The following PCDHGA7 variants were observed in gnomAD, a reference collection of about 807,000 sequenced individuals.
The protein encoded by PCDHGA7 is protocadherin gamma-A7.
PCDHGA7 carries 44 observed loss-of-function variants against 58.3 expected under a neutral mutation model. The observed-to-expected ratio is 0.75, with a 90% CI of 0.59 to 0.97. The LOEUF (loss-of-function observed/expected upper bound fraction) is 0.97, where lower values mean the gene tolerates loss of function less well. PCDHGA7 is among the 50% of genes least tolerant of loss of function. The pLI is 0.00. For synonymous variants in PCDHGA7, 516 were observed against 504.2 expected, an observed-to-expected ratio of 1.02 and a Z score of -0.31; for missense variants, 1,266 against 1,188.7, an observed-to-expected ratio of 1.06 and a Z score of -0.96.
chr5:141,409,258 C>G (rs2095247947), intron 1 of PCDHGA7: 2 of 1,613,918 alleles, frequency 1.2e-6, no homozygotes, highest in Non-Finnish European at 8.5e-7. Flanking sequence ...TCACTTCTCT[C>G]TCTGATCAGA....
chr5:141,432,823 C>A lies in PCDHGA7; in HGVS notation c.2424+47500C>A. 1 of 1,614,184 alleles carries A rather than the reference C, an allele frequency of 6.2e-7. No homozygotes were observed. Among genetic ancestry groups the A allele is most frequent in the Non-Finnish European group, 8.5e-7 (1 of 1,180,004 alleles). On this transcript the variant is annotated intron_variant, in intron 1 of 3. Transcript: ENST00000518325. The surrounding 1 kb of genome is among the most constrained non-coding windows in gnomAD (Gnocchi z 6.0). ...CTCCAGCTAACTCTGAAACCTCAGA[C>A]CTCACTCTGTACCTGGTGGTAGCGG...
chr5:141,399,727 G>A, intron 1 of PCDHGA7: 1 of 1,613,308 alleles, frequency 6.2e-7, no homozygotes, highest in Non-Finnish European at 8.5e-7. Context: ...CCGCGACCAG[G>A]GCTCGCCTGC....
intron 1 of PCDHGA7, chr5:141,478,523 G>T (rs2099461821): frequency 6.2e-7 from 1 of 1,609,908 alleles, no homozygotes; most frequent in Non-Finnish European, 8.5e-7. Context: ...GGTGTTGGGT[G>T]CAGAGAGCGC....
At chr5:141,415,477 C>T in intron 1 of PCDHGA7, 1 of 1,614,184 alleles carries the variant, frequency 6.2e-7, no homozygotes, top group Non-Finnish European at 8.5e-7. Flanking sequence ...CGCGGACTCG[C>T]GAAAGAGTCA....
chr5:141,413,793 C>G, intron 1 of PCDHGA7: 1 of 1,613,106 alleles, frequency 6.2e-7, no homozygotes, highest in South Asian at 1.1e-5. Context: ...CCCTAGATCG[C>G]GAGGAAGAGG....
chr5:141,493,656 T>C lies in PCDHGA7; in HGVS notation c.2425-1151T>C, dbSNP rs1481871984. Among the ~76,000 whole-genome samples, 1 of 152,184 alleles carries C rather than the reference T, an allele frequency of 6.6e-6. No homozygotes were observed. Among genetic ancestry groups the C allele is most frequent in the African/African-American group, 2.4e-5 (1 of 41,454 alleles). ...CTGAGGGCTGGCCATCCCTGTGCCC[T>C]TCTCCATGGCAGCCCCAGAATGGTG... On this transcript the variant is annotated intron_variant, in intron 1 of 3. Coordinates refer to ENST00000518325, the MANE Select transcript of PCDHGA7 (RefSeq NM_018920.4). The surrounding 1 kb of genome is among the most constrained non-coding windows in gnomAD (Gnocchi z 4.3).
chr5:141,506,834 C>T (rs2099856597), intron 3 of PCDHGA7, among the ~76,000 whole-genome samples: 1 of 152,140 alleles, frequency 6.6e-6, no homozygotes, highest in Non-Finnish European at 1.5e-5. Flanking sequence ...ACTGATAGCC[C>T]TGCCCTCCAG....
Position 141,485,943 on chromosome 5 carries a change from C to CG in PCDHGA7, c.2425-8861dup, listed in dbSNP as rs1562109052. ...ATTAGTGTGTTGGAGAGCGCACCAG[C>CG]GGGCATGGTGCTCATCCAGCTCAAT... On this transcript the variant is annotated intron_variant, in intron 1 of 3. Coordinates refer to ENST00000518325, the MANE Select transcript of PCDHGA7 (RefSeq NM_018920.4). The surrounding 1 kb of genome is among the most constrained non-coding windows in gnomAD (Gnocchi z 5.7). The CG allele has an allele frequency of 1.2e-6, 2 of 1,614,126 alleles. No individual in the cohort carries two copies. Among genetic ancestry groups the CG allele is most frequent in the Non-Finnish European group, 1.7e-6 (2 of 1,180,012 alleles).
intron 2 of PCDHGA7, among the ~76,000 whole-genome samples, chr5:141,495,685 T>TA (rs758775501): frequency 1.3e-5 from 2 of 152,210 alleles, no homozygotes; most frequent in African/African-American, 2.4e-5. Context: ...TGCCATGGCA[T>TA]AAGTGCTCAA....
intron 1 of PCDHGA7, among the ~76,000 whole-genome samples, chr5:141,439,270 A>G (rs1381185021): frequency 6.6e-6 from 1 of 152,140 alleles, no homozygotes; most frequent in African/African-American, 2.4e-5. Flanking sequence ...CCAACAGTTC[A>G]TTCTGAGACT....
intron 1 of PCDHGA7, chr5:141,417,831 C>T: frequency 5.2e-6 from 8 of 1,526,966 alleles, no homozygotes; most frequent in Non-Finnish European, 7.1e-6. Flanking sequence ...ACTGGAAAAG[C>T]GGGGACCCAG....
intron 1 of PCDHGA7, among the ~76,000 whole-genome samples, chr5:141,465,592 A>G (rs1485357197): frequency 6.6e-6 from 1 of 152,046 alleles, no homozygotes; most frequent in Non-Finnish European, 1.5e-5. Flanking sequence ...TAATAATCAG[A>G]TCTTATCACT....
At chr5:141,415,095 C>T (rs1045755927) in intron 1 of PCDHGA7, 1 of 1,613,584 alleles carries the variant, frequency 6.2e-7, no homozygotes, top group Non-Finnish European at 8.5e-7. Context: ...TGGACAGAGA[C>T]GCGCTCAAGC....
chr5:141,421,272 G>A, intron 1 of PCDHGA7: 1 of 1,612,340 alleles, frequency 6.2e-7, no homozygotes, highest in Non-Finnish European at 8.5e-7. Context: ...GGCTGCTGCT[G>A]CTGCTGTGCA....
In PCDHGA7 at chr5:141,431,370, A is replaced by G; in HGVS notation, c.2424+46047A>G. ...CTGAAACGCGCCCTGGACCGCGAAG[A>G]AAAGGCTGCTCACCACCTGGTCCTT... is the stretch of plus-strand genomic sequence containing the variant. On this transcript the variant is annotated intron_variant, in intron 1 of 3. Coordinates refer to ENST00000518325, the MANE Select transcript of PCDHGA7 (RefSeq NM_018920.4). The surrounding 1 kb of genome is among the most constrained non-coding windows in gnomAD (Gnocchi z 4.8). 1 of 1,613,946 alleles carries G rather than the reference A, an allele frequency of 6.2e-7. No homozygotes were observed. The highest frequency in any genetic ancestry group is 8.5e-7 in the Non-Finnish European group (1 of 1,180,014).
chr5:141,477,175 A>T lies in PCDHGA7; in HGVS notation c.2425-17632A>T, dbSNP rs1338347224. On this transcript the variant is annotated intron_variant, in intron 1 of 3. Transcript: ENST00000518325. This position sits in a 1 kb window ranked among gnomAD's most constrained non-coding sequence, Gnocchi z 4.9. ...TGAATGACAACGCCCCGGAGATCAC[A>T]GTCACCTCCGTGTACAGCCCAGTAC... is the stretch of plus-strand genomic sequence containing the variant. The T allele has an allele frequency of 1.2e-6, 2 of 1,614,186 alleles. No individual in the cohort carries two copies. The highest frequency in any genetic ancestry group is 3.3e-5 in the Admixed American group (2 of 60,028).
At chr5:141,398,014 C>T in intron 1 of PCDHGA7, 1 of 1,420,276 alleles carries the variant, frequency 7.0e-7, no homozygotes, top group South Asian at 1.5e-5. Context: ...AGAATCGTTT[C>T]CTAAACTGGA....
In PCDHGA7 at chr5:141,383,687, C is replaced by T; in HGVS notation, c.788C>T (p.Thr263Met). 1.2e-6 allele frequency: 2 copies of T among 1,613,968 alleles called. No homozygotes were observed. Among genetic ancestry groups the T allele is most frequent in the Middle Eastern group, 1.6e-4 (1 of 6,062 alleles). Reference sequence around the variant, plus strand: ...GTGCCAGTGGGTACAAGACTGCTCACGGTACATGCTATCGACCTGGACGAG... The same window carrying T: ...GTGCCAGTGGGTACAAGACTGCTCATGGTACATGCTATCGACCTGGACGAG... ...ENVPVGTRLL[T>M]VHAIDLDEGV... is the part of the protein sequence containing the mutation. Residue 263 changes from threonine to methionine, a missense_variant, in exon 1 of 4, where the codon ACG becomes ATG. Physicochemically the swap from Thr to Met is moderately conservative, Grantham distance 81. Coordinates refer to ENST00000518325, the MANE Select transcript of PCDHGA7 (RefSeq NM_018920.4).
At chr5:141,505,151 G>T (rs2099844154) in intron 2 of PCDHGA7, among the ~76,000 whole-genome samples, 1 of 152,164 alleles carries the variant, frequency 6.6e-6, no homozygotes, top group Non-Finnish European at 1.5e-5. Context: ...GACAGAGTAA[G>T]ACCCTGTCTA....
Sources: gnomAD v4.1 joint callset for allele counts (sites outside exome capture counted in the v4.1 genomes callset) on GRCh38, gnomAD v4.1.1 for gene constraint, Gnocchi (gnomAD v3.1) non-coding constraint, MANE v1.5 for transcripts, NCBI Gene and HGNC (gene_info 2026-07-23, HGNC 2026-07-21) for gene names.